Variants in SRPK2 observed in about 807,000 individuals in gnomAD.
The protein encoded by SRPK2 is SRSF protein kinase 2.
SRPK2 carries 21 observed loss-of-function variants against 90.8 expected under a neutral mutation model. That is an observed-to-expected ratio of 0.23 (90% CI 0.16 to 0.33). SRPK2 has a LOEUF of 0.33. SRPK2 is among the 10% of genes least tolerant of loss of function. SRPK2 has a pLI of 1.00. For missense variants in SRPK2, 620 were observed against 869.0 expected (o/e 0.71, Z 3.60); for synonymous variants, 288 against 311.1 (o/e 0.93, Z 0.78).
chr7:105,284,793 T>A (rs1378484689), intron 2 of SRPK2, among the ~76,000 whole-genome samples: 1 of 152,216 alleles, frequency 6.6e-6, no homozygotes, highest in African/African-American at 2.4e-5. Context: ...CTTTCAAGAC[T>A]TTGGTGCTTT....
chr7:105,146,457 C>T (rs769486877), intron 8 of SRPK2, 36 bp downstream of exon 8: 11 of 1,608,820 alleles, frequency 6.8e-6, no homozygotes, highest in Non-Finnish European at 9.3e-6. Context: ...CTCCCAATGC[C>T]CCCACACTGA....
chr7:105,305,440 CA>C (rs1359191536), intron 2 of SRPK2, among the ~76,000 whole-genome samples: 4 of 151,836 alleles, frequency 2.6e-5, no homozygotes, highest in Admixed American at 6.6e-5. Context: ...GACTCTGTCA[CA>C]AAAAAAATTT....
intron 2 of SRPK2, among the ~76,000 whole-genome samples, chr7:105,205,028 G>A (rs1796020632): frequency 1.3e-5 from 2 of 152,256 alleles, no homozygotes; most frequent in South Asian, 2.1e-4. Context: ...TCTTGAGAAG[G>A]TCAGGGTCTT....
chr7:105,261,751 A>C (rs1389337175), intron 2 of SRPK2, among the ~76,000 whole-genome samples: 1 of 152,224 alleles, frequency 6.6e-6, no homozygotes, highest in Admixed American at 6.5e-5. Flanking sequence ...ATATAAGATC[A>C]TAAGGTGGGG....
chr7:105,263,446 A>G (rs188778739), intron 2 of SRPK2, among the ~76,000 whole-genome samples: 2 of 152,346 alleles, frequency 1.3e-5, no homozygotes, highest in Non-Finnish European at 2.9e-5. Flanking sequence ...TACTGTACAG[A>G]TATGAGACTG....
intron 15 of SRPK2, among the ~76,000 whole-genome samples, chr7:105,121,317 C>T (rs568715287): frequency 6.7e-6 from 1 of 150,344 alleles, no homozygotes; most frequent in East Asian, 1.9e-4. Context: ...TACACTCCAG[C>T]CTAGGCAACA....
intron 2 of SRPK2, among the ~76,000 whole-genome samples, chr7:105,364,295 G>A (rs967570698): frequency 2.6e-5 from 4 of 151,934 alleles, no homozygotes; most frequent in Non-Finnish European, 5.9e-5. Context: ...TGCTTTTTCT[G>A]TAACAACAAT....
chr7:105,367,073 T>TG, intron 2 of SRPK2, among the ~76,000 whole-genome samples: 1 of 151,984 alleles, frequency 6.6e-6, no homozygotes, highest in African/African-American at 2.4e-5. Context: ...TTTTGTTTTT[T>TG]TTTTTGTTTG....
rs564054382 is a variant in SRPK2, at chr7:105,201,137, G to A, written c.229+2491C>T. ...AGAACAAAAAATGAGAAGGCCACAG[G>A]TCTTATTCCAGACATTCCAAATCAA... On this transcript the variant is annotated intron_variant, in intron 3 of 15. Coordinates refer to ENST00000393651, the MANE Select transcript of SRPK2 (RefSeq NM_182692.3). Among the ~76,000 whole-genome samples, 14 of 152,214 alleles carry A rather than the reference G, an allele frequency of 9.2e-5. No homozygotes were observed. The South Asian group carries it at 2.7e-3, about 29-fold the overall frequency.
At chr7:105,143,729 G>T in intron 9 of SRPK2, 1 of 200,246 alleles carries the variant, frequency 5.0e-6, no homozygotes. Context: ...TGAAACAGGT[G>T]CCCGAGCAGG....
chr7:105,321,887 G>A lies in SRPK2; in HGVS notation c.71+66761C>T, dbSNP rs76516184. On this transcript the variant is annotated intron_variant, in intron 2 of 15. Coordinates refer to ENST00000393651, the MANE Select transcript of SRPK2 (RefSeq NM_182692.3). ...TGGTATCTTTTCTATGAAAACTGGA[G>A]ATTTCTCAAAAAGTTAAACATAGAA... Among the ~76,000 whole-genome samples the A allele has an allele frequency of 2.0e-5, 3 of 152,252 alleles. No individual in the cohort carries two copies. In the South Asian group the frequency reaches 6.2e-4, roughly 32 times the overall value.
chr7:105,290,678 A>G (rs1162299934), intron 2 of SRPK2, among the ~76,000 whole-genome samples: 1 of 152,144 alleles, frequency 6.6e-6, no homozygotes, highest in Non-Finnish European at 1.5e-5. Flanking sequence ...AAAAATACAA[A>G]ATGTAGCCAA....
At chr7:105,358,124 T>C (rs1817990018) in intron 2 of SRPK2, among the ~76,000 whole-genome samples, 1 of 148,306 alleles carries the variant, frequency 6.7e-6, no homozygotes, top group South Asian at 2.1e-4. Flanking sequence ...CTCAAGAGGC[T>C]GAGGCAGGAG....
chr7:105,281,581 G>A (rs1446090339), intron 2 of SRPK2, among the ~76,000 whole-genome samples: 2 of 151,100 alleles, frequency 1.3e-5, no homozygotes, highest in Non-Finnish European at 2.9e-5. Flanking sequence ...GAGCCTTGAA[G>A]TTTAAGGATA....
chr7:105,226,309 A>T (rs924666967), intron 2 of SRPK2, among the ~76,000 whole-genome samples: 8 of 151,914 alleles, frequency 5.3e-5, no homozygotes, highest in African/African-American at 1.9e-4. Context: ...TTTTTTTAAC[A>T]GAGTCTCACT....
chr7:105,374,069 G>T (rs1158798238), intron 2 of SRPK2, among the ~76,000 whole-genome samples: 1 of 152,002 alleles, frequency 6.6e-6, no homozygotes, highest in Non-Finnish European at 1.5e-5. Flanking sequence ...CTGGGATTAT[G>T]GCACATGCCA....
At chr7:105,343,987 C>T (rs1375256527) in intron 2 of SRPK2, among the ~76,000 whole-genome samples, 1 of 152,146 alleles carries the variant, frequency 6.6e-6, no homozygotes, top group Non-Finnish European at 1.5e-5. Context: ...TGGTCTCGAA[C>T]TCCTGACCTC....
chr7:105,144,884 A>G (rs979756750), intron 9 of SRPK2, among the ~76,000 whole-genome samples: 2 of 152,206 alleles, frequency 1.3e-5, no homozygotes, highest in South Asian at 2.1e-4. Flanking sequence ...AGGCAGGCAG[A>G]TAACTTGAGG....
At chr7:105,178,234 T>C (rs997188538) in intron 3 of SRPK2, among the ~76,000 whole-genome samples, 1 of 151,622 alleles carries the variant, frequency 6.6e-6, no homozygotes, top group Non-Finnish European at 1.5e-5. Flanking sequence ...ATACTAAATA[T>C]AAAAAAAGCA....
Sources: allele counts gnomAD v4.1 joint callset (sites outside exome capture counted in the v4.1 genomes callset), GRCh38; gene constraint gnomAD v4.1.1; transcripts MANE v1.5; gene names NCBI Gene and HGNC (gene_info 2026-07-23, HGNC 2026-07-21).